SAP30BP: variants seen among roughly 807,000 people sequenced by gnomAD.
SAP30BP encodes the protein SAP30-binding protein.
In SAP30BP, 31 loss-of-function variants were observed where a neutral mutation model predicts 46.3. That is an observed-to-expected ratio of 0.67 (90% CI 0.50 to 0.90). SAP30BP has a LOEUF of 0.90. Among genes scored for constraint, SAP30BP ranks in the 40% least tolerant of loss-of-function variants. The pLI, the probability that SAP30BP is intolerant of heterozygous loss-of-function variation, is 0.00. For missense variants in SAP30BP, 312 were observed against 391.0 expected (o/e 0.80, Z 1.70); for synonymous variants, 169 against 144.2 (o/e 1.17, Z -1.23).
At chr17:75,702,783 A>AGG (rs2060433293) in intron 6 of SAP30BP, 1 of 394,972 alleles carries the variant, frequency 2.5e-6, no homozygotes, top group African/African-American at 2.0e-5. Context: ...AGCAATTCAT[A>AGG]CCGAGACCTA....
intron 3 of SAP30BP, chr17:75,691,513 C>T: frequency 2.2e-6 from 1 of 455,346 alleles, no homozygotes; most frequent in Non-Finnish European, 4.4e-6. Flanking sequence ...CTTACTTTAC[C>T]TAAGGAGGCC....
Position 75,706,352 on chromosome 17 carries a change from GAA to G in SAP30BP, c.760_761del (p.Lys254GlufsTer57). On this transcript the variant is annotated frameshift_variant, in exon 11 of 11. Coordinates refer to ENST00000584667, the MANE Select transcript of SAP30BP (RefSeq NM_013260.8). LOFTEE classifies it high-confidence loss of function. The surrounding 1 kb of genome is among the most constrained non-coding windows in gnomAD (Gnocchi z 4.6). ...GCTTTATCTCCAGATGCTCAGAAGAGAAAGAGCAAGTGGGATTCGGCTATCCC... is the reference window on the plus strand; with the variant it reads ...GCTTTATCTCCAGATGCTCAGAAGAGAGAGCAAGTGGGATTCGGCTATCCC... 6.2e-7 allele frequency: 1 copy of G among 1,613,384 alleles called. No individual in the cohort carries two copies. The highest frequency in any genetic ancestry group is 8.5e-7 in the Non-Finnish European group (1 of 1,179,882).
Position 75,674,710 on chromosome 17 carries a change from T to TTG in SAP30BP, c.264+2848_264+2849insGT, listed in dbSNP as rs1555718090. The stretch of plus-strand genomic sequence containing the variant: ...TGTTTGTTTTTTGTTTTTTTTTTTT[T>TTG]TTTTTTTTTTTTTTTGAGGTGGAGT... On this transcript the variant is annotated intron_variant, in intron 3 of 10. Transcript: ENST00000584667. 9.4e-4 allele frequency among the ~76,000 whole-genome samples: 117 copies of TTG among 124,936 alleles called. 1 individual carries two copies. The Middle Eastern group carries it at 0.015, about 16-fold the overall frequency. 82.0% of individuals were successfully genotyped at this position (124,936 alleles called of 152,430 possible). A position where few individuals can be genotyped will look rare whatever the true frequency, so the allele number is the denominator to read the frequency against.
chr17:75,706,173 G>A lies in SAP30BP; in HGVS notation c.745+81G>A, dbSNP rs2305529. The A allele has an allele frequency of 0.56, 869,952 of 1,566,168 alleles. 252,205 individuals are homozygous for A. Among genetic ancestry groups the A allele is most frequent in the Non-Finnish European group, 0.6 (695,182 of 1,158,346 alleles). ...GGCTTGTTTGGGCGACAGACAGCAC[G>A]TGGATCTGGGCCTGGGCTCAGCCTT... is the stretch of plus-strand genomic sequence containing the variant. On this transcript the variant is annotated intron_variant, in intron 10 of 10. Transcript: ENST00000584667. This position sits in a 1 kb window ranked among gnomAD's most constrained non-coding sequence, Gnocchi z 4.6.
chr17:75,673,130 T>C (rs2059931525), intron 3 of SAP30BP, among the ~76,000 whole-genome samples: 1 of 152,168 alleles, frequency 6.6e-6, no homozygotes, highest in African/African-American at 2.4e-5. Context: ...GATAGAACTG[T>C]ATGTAGCCAC....
intron 3 of SAP30BP, chr17:75,672,157 G>T: frequency 2.5e-6 from 1 of 396,926 alleles, no homozygotes; most frequent in Non-Finnish European, 4.7e-6. Context: ...TCCCAGATGG[G>T]GCTTTAAGTG....
At position 75,668,436 on chromosome 17, in the gene SAP30BP, C is replaced by G. The variant is rs146190284; in HGVS notation, c.107-80C>G. 1.9e-4 allele frequency: 161 copies of G among 852,580 alleles called. No homozygotes were observed. The African/African-American group carries it at 2.6e-3, about 14-fold the overall frequency. The allele number at this position is 852,580 out of a possible 1,614,324, so 52.8% of individuals were successfully genotyped here. On this transcript the variant is annotated intron_variant, in intron 1 of 10. Transcript: ENST00000584667. ...GAGATAGTCTTGGCCACTCAAATCT[C>G]TGGACATTTTTTCTTACATTGTAAC...
chr17:75,692,120 C>A, intron 3 of SAP30BP: 1 of 620,876 alleles, frequency 1.6e-6, no homozygotes, highest in South Asian at 6.9e-5. Context: ...GGACGTGGTG[C>A]CCTGCCAGGT....
chr17:75,706,691 C>T lies in SAP30BP; in HGVS notation c.*170C>T, dbSNP rs1033963852. 49 of 643,522 alleles carry T rather than the reference C, an allele frequency of 7.6e-5. No individual in the cohort carries two copies. Among genetic ancestry groups the T allele is most frequent in the Non-Finnish European group, 1.2e-4 (45 of 373,226 alleles). 39.9% of individuals were successfully genotyped at this position (643,522 alleles called of 1,614,324 possible). ...AAGGACAGGCAGCACGGGAGCCAGG[C>T]GCTGTGGACAGGGTCTGTCCACGCA... On this transcript the variant is annotated 3_prime_UTR_variant, in exon 11 of 11. Coordinates refer to ENST00000584667, the MANE Select transcript of SAP30BP (RefSeq NM_013260.8). This position sits in a 1 kb window ranked among gnomAD's most constrained non-coding sequence, Gnocchi z 4.6.
intron 3 of SAP30BP, among the ~76,000 whole-genome samples, chr17:75,688,981 G>C (rs549227813): frequency 6.6e-6 from 1 of 152,220 alleles, no homozygotes; most frequent in African/African-American, 2.4e-5. Context: ...TGCTCTGGTT[G>C]TTGGGCCTTT....
intron 6 of SAP30BP, chr17:75,703,063 C>CATTAAAA: frequency 5.6e-6 from 3 of 538,152 alleles, no homozygotes; most frequent in Admixed American, 3.2e-5. Context: ...TAAGCCCAAT[C>CATTAAAA]CAGCTGTGCA....
At chr17:75,668,228 G>T in intron 1 of SAP30BP, 1 of 324,448 alleles carries the variant, frequency 3.1e-6, no homozygotes, top group Non-Finnish European at 5.6e-6. Context: ...AAAGTTCTCT[G>T]ATGGTTTCCT....
At chr17:75,705,831 A>G in intron 9 of SAP30BP, 177 bp from the exon 10 acceptor site, 5 of 1,089,236 alleles carry the variant, frequency 4.6e-6, no homozygotes, top group Non-Finnish European at 6.4e-6. Flanking sequence ...AAGAGTGAAA[A>G]GCCCCTTTGG....
chr17:75,678,825 C>T (rs1270282006), intron 3 of SAP30BP, among the ~76,000 whole-genome samples: 2 of 152,124 alleles, frequency 1.3e-5, no homozygotes, highest in African/African-American at 2.4e-5. Context: ...TGAAGGTCTG[C>T]TGAGGGAAAG....
chr17:75,706,190 C>T lies in SAP30BP; in HGVS notation c.745+98C>T. 3 of 1,556,168 alleles carry T rather than the reference C, an allele frequency of 1.9e-6. No homozygotes were observed. Among genetic ancestry groups the T allele is most frequent in the Non-Finnish European group, 2.6e-6 (3 of 1,153,792 alleles). On this transcript the variant is annotated intron_variant, in intron 10 of 10. Transcript: ENST00000584667. This position sits in a 1 kb window ranked among gnomAD's most constrained non-coding sequence, Gnocchi z 4.6. ...GACAGCACGTGGATCTGGGCCTGGG[C>T]TCAGCCTTGCTACTTTGAGAAGCAC...
rs538980682 is a variant in SAP30BP at position 75,668,527 on chromosome 17, G to A, written c.118G>A (p.Gly40Arg). 19 of 1,562,726 alleles carry A rather than the reference G, an allele frequency of 1.2e-5. No individual in the cohort carries two copies. The highest frequency in any genetic ancestry group is 4.7e-5 in the East Asian group (2 of 42,848). Residue 40 changes from glycine (G) to arginine (R), a missense_variant, in exon 2 of 11, where the codon GGA (glycine) becomes AGA (arginine). By Grantham distance (125) the Gly-to-Arg change is moderately radical. Coordinates refer to ENST00000584667, the MANE Select transcript of SAP30BP (RefSeq NM_013260.8). ...AVGSAAEEKG[G>R]LVSDAYGEDD... ...TTTTAACCTTTCAGAGGAGAAAGGC[G>A]GATTGGTATCTGATGCCTATGGGGA...
intron 5 of SAP30BP, among the ~76,000 whole-genome samples, chr17:75,701,692 G>A (rs375651026): frequency 1.2e-4 from 19 of 152,172 alleles, no homozygotes; most frequent in Non-Finnish European, 2.2e-4. Context: ...CCCGCCTCCC[G>A]TTAAAAGGAC....
Position 75,696,003 on chromosome 17 carries a change from G to A in SAP30BP, c.307+2521G>A, listed in dbSNP as rs747334252. Among the ~76,000 whole-genome samples the A allele has an allele frequency of 3.3e-5, 5 of 152,166 alleles. No individual in the cohort carries two copies. The East Asian group carries it at 5.8e-4, about 18-fold the overall frequency. ...TCACTCCCTGCCATCCCATAAGCCCGTCCAACTAGCTGTTCCTGCACAGAT... is the reference window on the plus strand; with the variant it reads ...TCACTCCCTGCCATCCCATAAGCCCATCCAACTAGCTGTTCCTGCACAGAT... On this transcript the variant is annotated intron_variant, in intron 4 of 10. Coordinates refer to ENST00000584667, the MANE Select transcript of SAP30BP (RefSeq NM_013260.8).
At chr17:75,699,389 G>A (rs572944060) in intron 4 of SAP30BP, among the ~76,000 whole-genome samples, 22 of 151,752 alleles carry the variant, frequency 1.4e-4, no homozygotes, top group African/African-American at 3.6e-4. Flanking sequence ...ACGGGGTTTC[G>A]CCATGTTGGC....
Sources: gnomAD v4.1 joint callset for allele counts (sites outside exome capture counted in the v4.1 genomes callset) on GRCh38, gnomAD v4.1.1 for gene constraint, Gnocchi (gnomAD v3.1) non-coding constraint, MANE v1.5 for transcripts, NCBI Gene and HGNC (gene_info 2026-07-23, HGNC 2026-07-21) for gene names.